Variants in COL5A2 observed in about 807,000 individuals in gnomAD.
The protein encoded by COL5A2 is collagen alpha-2(V) chain.
COL5A2 carries 23 observed loss-of-function variants against 208.2 expected under a neutral mutation model. The ratio of observed to expected loss-of-function variants is 0.11; its 90% CI spans 0.08 to 0.16. The LOEUF (loss-of-function observed/expected upper bound fraction) is 0.16. Among genes scored for constraint, COL5A2 ranks in the 10% least tolerant of loss-of-function variants. COL5A2 has a pLI of 1.00. For synonymous variants in COL5A2, 625 were observed against 628.5 expected (o/e 0.99, Z 0.08); for missense variants, 1,590 against 1,956.4 (o/e 0.81, Z 3.53).
intron 35 of COL5A2, among the ~76,000 whole-genome samples, chr2:189,054,625 A>C (rs2105568156): frequency 6.6e-6 from 1 of 151,932 alleles, no homozygotes; most frequent in Admixed American, 6.6e-5. Context: ...AAATTATAAT[A>C]GCAAAATATC....
intron 1 of COL5A2, among the ~76,000 whole-genome samples, chr2:189,188,810 T>C (rs1434886533): frequency 6.6e-6 from 1 of 152,230 alleles, no homozygotes; most frequent in Non-Finnish European, 1.5e-5. Flanking sequence ...TTGACAATTA[T>C]GTGGCGACCA....
At chr2:189,091,059 G>A (rs757972108) in intron 7 of COL5A2, among the ~76,000 whole-genome samples, 2 of 152,118 alleles carry the variant, frequency 1.3e-5, no homozygotes, top group East Asian at 3.8e-4. Context: ...ATCATTCTAG[G>A]TGCCATTAAG....
chr2:189,386,904 G>T, the COL5A2 span, among the ~76,000 whole-genome samples: 35 of 152,280 alleles, frequency 2.3e-4, no homozygotes, highest in African/African-American at 7.7e-4. Flanking sequence ...AGCCACTGTG[G>T]CGAGGAGTTT....
chr2:189,069,134 C>T (rs555410815), intron 18 of COL5A2, among the ~76,000 whole-genome samples: 5 of 152,224 alleles, frequency 3.3e-5, no homozygotes, highest in Non-Finnish European at 7.4e-5. Flanking sequence ...TGAAGAAGCC[C>T]TACACCAGGG....
the COL5A2 span, among the ~76,000 whole-genome samples, chr2:189,299,118 G>T: frequency 0.57 from 86,113 of 151,984 alleles, 26,166 homozygotes; most frequent in East Asian, 0.7. Flanking sequence ...AATAAATATT[G>T]TATTAAACCC....
the COL5A2 span, among the ~76,000 whole-genome samples, chr2:189,374,349 T>C: frequency 4.6e-5 from 7 of 152,066 alleles, no homozygotes; most frequent in Non-Finnish European, 1.0e-4. Flanking sequence ...TCCTATAGTT[T>C]CTAAAGTCTC....
chr2:189,408,180 T>C, the COL5A2 span, among the ~76,000 whole-genome samples: 4 of 152,190 alleles, frequency 2.6e-5, no homozygotes, highest in Admixed American at 2.6e-4. Flanking sequence ...AAAGGACCCA[T>C]TTCAAGTAAG....
At chr2:189,268,832 G>A in the COL5A2 span, among the ~76,000 whole-genome samples, 1 of 152,012 alleles carries the variant, frequency 6.6e-6, no homozygotes, top group African/African-American at 2.4e-5. Context: ...GTATCTTTTG[G>A]TCAAGAAGAC....
chr2:189,084,113 T>C (rs1383710825), intron 11 of COL5A2, 76 bp from the exon 12 acceptor site: 1 of 972,614 alleles, frequency 1.0e-6, no homozygotes, highest in Non-Finnish European at 1.7e-6. Flanking sequence ...AAATGATAAA[T>C]AAATTACTAA....
the COL5A2 span, among the ~76,000 whole-genome samples, chr2:189,324,566 T>C: frequency 1.3e-5 from 2 of 151,726 alleles, no homozygotes; most frequent in African/African-American, 4.8e-5. Flanking sequence ...CATGAAAAAA[T>C]GCTCATCATC....
At chr2:189,042,043 A>G (rs971573266) in intron 49 of COL5A2, among the ~76,000 whole-genome samples, 20 of 152,208 alleles carry the variant, frequency 1.3e-4, no homozygotes, top group African/African-American at 4.8e-4. Flanking sequence ...TTTAAGTGAA[A>G]TTTCTGTGCT....
chr2:189,251,663 A>G, the COL5A2 span, among the ~76,000 whole-genome samples: 1 of 152,016 alleles, frequency 6.6e-6, no homozygotes, highest in African/African-American at 2.4e-5. Context: ...ACAGTAAAAA[A>G]AAAAAAACAT....
rs189416836 is a variant in COL5A2 at position 189,087,958 on chromosome 2, T to C, written c.645+737A>G. 6.5e-4 allele frequency among the ~76,000 whole-genome samples: 99 copies of C among 152,204 alleles called. 2 individuals carry two copies. The East Asian group carries it at 0.015, about 23-fold the overall frequency. ...CATATTACTAGTAACTTTAAAAATATACAAATAATATTTAAAATGCTCACA... is the reference window on the plus strand; with the variant it reads ...CATATTACTAGTAACTTTAAAAATACACAAATAATATTTAAAATGCTCACA... On this transcript the variant is annotated intron_variant, in intron 8 of 53. Coordinates refer to ENST00000374866, the MANE Select transcript of COL5A2 (RefSeq NM_000393.5).
At chr2:189,383,656 G>A in the COL5A2 span, among the ~76,000 whole-genome samples, 1 of 151,654 alleles carries the variant, frequency 6.6e-6, no homozygotes, top group Non-Finnish European at 1.5e-5. Context: ...AGTATTTATG[G>A]GGTACATGTG....
chr2:189,201,844 T>A (rs1476885776), intron 1 of COL5A2, among the ~76,000 whole-genome samples: 1 of 151,664 alleles, frequency 6.6e-6, no homozygotes, highest in African/African-American at 2.4e-5. Context: ...AAAAGTTATC[T>A]CGGAAAAGAC....
chr2:189,293,932 C>CA, the COL5A2 span, among the ~76,000 whole-genome samples: 3 of 151,882 alleles, frequency 2.0e-5, no homozygotes, highest in Admixed American at 6.6e-5. Flanking sequence ...AAACAAAATA[C>CA]AAAAAATTAG....
chr2:189,186,064 G>T (rs1478115030), intron 1 of COL5A2, among the ~76,000 whole-genome samples: 1 of 151,702 alleles, frequency 6.6e-6, no homozygotes, highest in Non-Finnish European at 1.5e-5. Context: ...AGGCTGGAGT[G>T]CAGTAGCACG....
At chr2:189,157,538 C>T (rs1486993870) in intron 1 of COL5A2, among the ~76,000 whole-genome samples, 2 of 151,958 alleles carry the variant, frequency 1.3e-5, no homozygotes, top group African/African-American at 4.8e-5. Context: ...TATTTCACTA[C>T]TCTGCAAACC....
chr2:189,174,045 T>C (rs1350715874), intron 1 of COL5A2, among the ~76,000 whole-genome samples: 3 of 152,232 alleles, frequency 2.0e-5, no homozygotes, highest in African/African-American at 7.2e-5. Context: ...GCATTAATCA[T>C]TCTTCAAACC....
Sources: allele counts gnomAD v4.1 joint callset (sites outside exome capture counted in the v4.1 genomes callset), GRCh38; gene constraint gnomAD v4.1.1; transcripts MANE v1.5; gene names NCBI Gene and HGNC (gene_info 2026-07-23, HGNC 2026-07-21).